Variants in CAMKMT observed in about 807,000 individuals in gnomAD.
CAMKMT encodes the protein CaM KMT.
Under a neutral mutation model 48.0 loss-of-function variants are expected in CAMKMT, and 53 were observed. The observed-to-expected ratio is 1.10, with a 90% CI of 0.89 to 1.39. CAMKMT has a LOEUF of 1.39. CAMKMT is among the 40% of genes most tolerant of loss of function. The pLI, the probability that CAMKMT is intolerant of heterozygous loss-of-function variation, is 0.00. For missense variants in CAMKMT, 428 were observed against 402.7 expected, an observed-to-expected ratio of 1.06 and a Z score of -0.54; for synonymous variants, 165 against 152.3, an observed-to-expected ratio of 1.08 and a Z score of -0.61.
chr2:44,420,002 A>G (rs1197426482), intron 3 of CAMKMT, among the ~76,000 whole-genome samples: 1 of 152,172 alleles, frequency 6.6e-6, no homozygotes, highest in Non-Finnish European at 1.5e-5. Context: ...GCTTTTTGCC[A>G]TCTGAAAAAT....
intron 3 of CAMKMT, among the ~76,000 whole-genome samples, chr2:44,640,839 TA>T (rs1673410104): frequency 1.3e-5 from 2 of 152,334 alleles, no homozygotes; most frequent in South Asian, 4.1e-4. Flanking sequence ...ATCTCAATGT[TA>T]ATCCACCAGC....
intron 3 of CAMKMT, among the ~76,000 whole-genome samples, chr2:44,488,794 T>C (rs1669336196): frequency 6.6e-6 from 1 of 152,114 alleles, no homozygotes; most frequent in Non-Finnish European, 1.5e-5. Context: ...AGTCATACTT[T>C]TTTTAAGCAC....
chr2:44,662,009 A>G (rs541924708), intron 3 of CAMKMT, among the ~76,000 whole-genome samples: 1 of 152,330 alleles, frequency 6.6e-6, no homozygotes, highest in South Asian at 2.1e-4. Flanking sequence ...GTCTATATCT[A>G]TCACTGTATG....
At chr2:44,567,496 CT>C (rs1373283847) in intron 3 of CAMKMT, among the ~76,000 whole-genome samples, 1 of 152,168 alleles carries the variant, frequency 6.6e-6, no homozygotes, top group Admixed American at 6.6e-5. Flanking sequence ...CATGTCAATC[CT>C]TTGTAATAGA....
At chr2:44,444,191 G>A (rs867277992) in intron 3 of CAMKMT, among the ~76,000 whole-genome samples, 2 of 152,140 alleles carry the variant, frequency 1.3e-5, no homozygotes, top group Non-Finnish European at 2.9e-5. Context: ...TCCCAGCACC[G>A]TGTTGGATAC....
chr2:44,439,143 T>C (rs771973055), intron 3 of CAMKMT, among the ~76,000 whole-genome samples: 8 of 152,082 alleles, frequency 5.3e-5, no homozygotes, highest in Admixed American at 1.3e-4. Context: ...AGCCACCATC[T>C]TTTTTTTCTC....
At chr2:44,743,529 T>G (rs1679792538) in intron 7 of CAMKMT, 93 bp from the exon 8 acceptor site, 1 of 836,816 alleles carries the variant, frequency 1.2e-6, no homozygotes, top group Non-Finnish European at 1.9e-6. Context: ...TTTTAAATAA[T>G]TTCAAGTGCC....
At chr2:44,467,541 G>GAA (rs34692676) in intron 3 of CAMKMT, among the ~76,000 whole-genome samples, 328 of 146,784 alleles carry the variant, frequency 2.2e-3, no homozygotes, top group Non-Finnish European at 3.9e-3. Flanking sequence ...CTCTGTCTCA[G>GAA]AAAAAAAAAC....
At chr2:44,488,724 C>A (rs1045236900) in intron 3 of CAMKMT, among the ~76,000 whole-genome samples, 1 of 151,748 alleles carries the variant, frequency 6.6e-6, no homozygotes, top group African/African-American at 2.4e-5. Flanking sequence ...AAAAAACTCA[C>A]CCCAAAAAAC....
At chr2:44,652,206 G>C (rs1674106989) in intron 3 of CAMKMT, among the ~76,000 whole-genome samples, 2 of 152,190 alleles carry the variant, frequency 1.3e-5, no homozygotes, top group African/African-American at 4.8e-5. Context: ...TTCTAGTTAT[G>C]ACTTAATAGT....
intron 3 of CAMKMT, among the ~76,000 whole-genome samples, chr2:44,439,842 G>T (rs993406623): frequency 6.6e-6 from 1 of 151,892 alleles, no homozygotes; most frequent in African/African-American, 2.4e-5. Flanking sequence ...ATGCCGATAT[G>T]CTGGGAGGAC....
At chr2:44,729,008 T>G (rs1250021320) in intron 7 of CAMKMT, among the ~76,000 whole-genome samples, 4 of 151,566 alleles carry the variant, frequency 2.6e-5, no homozygotes, top group African/African-American at 9.7e-5. Context: ...CAATACAACA[T>G]GTCTTTTGTT....
At chr2:44,716,624 A>G (rs1283085015) in intron 7 of CAMKMT, among the ~76,000 whole-genome samples, 2 of 152,174 alleles carry the variant, frequency 1.3e-5, no homozygotes, top group Non-Finnish European at 2.9e-5. Context: ...GTTGAGAGAA[A>G]GAGAAAGGGT....
chr2:44,576,959 T>C (rs1669259134), intron 3 of CAMKMT, among the ~76,000 whole-genome samples: 1 of 152,218 alleles, frequency 6.6e-6, no homozygotes, highest in African/African-American at 2.4e-5. Flanking sequence ...TTCAAGGAGC[T>C]CATTTCTAAA....
intron 1 of CAMKMT, among the ~76,000 whole-genome samples, chr2:44,367,727 C>G (rs1454485702): frequency 6.6e-6 from 1 of 152,170 alleles, no homozygotes. Context: ...AATGAAGAGC[C>G]TGTTATACTA....
At chr2:44,446,701 A>T (rs1667020676) in intron 3 of CAMKMT, among the ~76,000 whole-genome samples, 1 of 152,146 alleles carries the variant, frequency 6.6e-6, no homozygotes, top group African/African-American at 2.4e-5. Context: ...AGAGGCCTCC[A>T]TCTCAGTCTT....
intron 3 of CAMKMT, among the ~76,000 whole-genome samples, chr2:44,582,854 A>G (rs1322910352): frequency 6.6e-6 from 1 of 152,196 alleles, no homozygotes; most frequent in African/African-American, 2.4e-5. Flanking sequence ...AGGGGAAATA[A>G]CTAAGAAAGT....
intron 3 of CAMKMT, among the ~76,000 whole-genome samples, chr2:44,442,901 G>C (rs185374768): frequency 3.3e-5 from 5 of 152,320 alleles, no homozygotes; most frequent in African/African-American, 9.6e-5. Context: ...ATGAGTGACT[G>C]CAAGAATAAA....
intron 3 of CAMKMT, among the ~76,000 whole-genome samples, chr2:44,660,225 T>C (rs1041097680): frequency 6.6e-6 from 1 of 152,250 alleles, no homozygotes; most frequent in Non-Finnish European, 1.5e-5. Context: ...GACTGTCTTA[T>C]CTGCTTCTGC....
Sources: gnomAD v4.1 joint callset for allele counts (sites outside exome capture counted in the v4.1 genomes callset) on GRCh38, gnomAD v4.1.1 for gene constraint, MANE v1.5 for transcripts, NCBI Gene and HGNC (gene_info 2026-07-23, HGNC 2026-07-21) for gene names.